The following MEGF11 variants were observed in gnomAD, a reference collection of about 807,000 sequenced individuals.
MEGF11 encodes the protein multiple epidermal growth factor-like domains protein 11.
A neutral mutation model predicts 146.6 loss-of-function variants in MEGF11; 126 were observed. The observed-to-expected ratio is 0.86, with a 90% CI of 0.74 to 1.00. The LOEUF (loss-of-function observed/expected upper bound fraction) is 1.00. Ranked by LOEUF, MEGF11 falls within the 50% of genes least tolerant of loss-of-function variation. MEGF11 has a pLI of 0.00. For missense variants in MEGF11, 1,509 were observed against 1,521.2 expected (o/e 0.99, Z 0.13); for synonymous variants, 532 against 583.4 (o/e 0.91, Z 1.27).
At chr15:66,243,506 C>T (rs1339516807) in intron 1 of MEGF11, among the ~76,000 whole-genome samples, 1 of 152,126 alleles carries the variant, frequency 6.6e-6, no homozygotes, top group Admixed American at 6.5e-5. Context: ...GGGAGCGGGG[C>T]AATCTTAAAA....
chr15:65,928,333 G>T, intron 13 of MEGF11, 92 bp downstream of exon 13: 2 of 717,502 alleles, frequency 2.8e-6, no homozygotes, highest in Non-Finnish European at 4.7e-6. Context: ...ATCAAGAAGA[G>T]AGGTATTGAA....
chr15:66,146,727 C>T (rs983420679), intron 1 of MEGF11, among the ~76,000 whole-genome samples: 2 of 152,242 alleles, frequency 1.3e-5, no homozygotes. Context: ...GCGGCCTGTG[C>T]GCTGGCATCA....
intron 6 of MEGF11, 70 bp from the exon 7 acceptor site, chr15:65,980,968 G>C: frequency 6.8e-7 from 1 of 1,464,674 alleles, no homozygotes. Context: ...AGTGCTCCAG[G>C]GTTCCCTAGG....
intron 5 of MEGF11, among the ~76,000 whole-genome samples, chr15:66,037,771 G>A (rs2083782647): frequency 1.3e-5 from 2 of 152,318 alleles, no homozygotes; most frequent in Admixed American, 1.3e-4. Context: ...TTCCTCCTCA[G>A]ATTAGAGGCT....
intron 1 of MEGF11, among the ~76,000 whole-genome samples, chr15:66,201,818 G>A (rs927305842): frequency 2.9e-4 from 44 of 150,876 alleles, no homozygotes; most frequent in Middle Eastern, 6.8e-3. Flanking sequence ...ATGTTGGTGC[G>A]AGCCTGTAGT....
chr15:65,941,933 G>A (rs772588019), intron 10 of MEGF11, among the ~76,000 whole-genome samples: 1 of 152,220 alleles, frequency 6.6e-6, no homozygotes, highest in Non-Finnish European at 1.5e-5. Flanking sequence ...CAGGAGAAAG[G>A]AAACTCCATA....
chr15:65,901,128 T>A (rs1409689766), intron 24 of MEGF11, among the ~76,000 whole-genome samples: 1 of 152,170 alleles, frequency 6.6e-6, no homozygotes, highest in Non-Finnish European at 1.5e-5. Context: ...CACATAAATT[T>A]GCCCCTTAGA....
At chr15:65,919,801 G>T (rs552523638) in intron 15 of MEGF11, among the ~76,000 whole-genome samples, 193 of 152,282 alleles carry the variant, frequency 1.3e-3, no homozygotes, top group Admixed American at 2.4e-3. Flanking sequence ...TGTATTTTTA[G>T]TAGAAACAGG....
intron 5 of MEGF11, among the ~76,000 whole-genome samples, chr15:66,018,500 A>C (rs531761358): frequency 1.3e-5 from 2 of 152,328 alleles, no homozygotes; most frequent in East Asian, 3.9e-4. Context: ...TGAACCCCAG[A>C]TGCCCACTCT....
chr15:66,171,289 AAGAC>A (rs1162199374), intron 1 of MEGF11, among the ~76,000 whole-genome samples: 13 of 152,188 alleles, frequency 8.5e-5, no homozygotes, highest in Admixed American at 6.5e-4. Flanking sequence ...GGCGGTCAAA[AAGAC>A]AGAGAATCGG....
intron 9 of MEGF11, among the ~76,000 whole-genome samples, chr15:65,963,009 AG>A (rs1343878760): frequency 6.6e-6 from 1 of 152,228 alleles, no homozygotes. Context: ...ACTCCTTCAG[AG>A]GAAGGATGAA....
chr15:66,090,531 C>T (rs2086277371), intron 5 of MEGF11, among the ~76,000 whole-genome samples: 1 of 152,252 alleles, frequency 6.6e-6, no homozygotes. Flanking sequence ...AGAAATATCA[C>T]TGTTTCACCC....
At chr15:66,243,936 G>A (rs543804134) in intron 1 of MEGF11, among the ~76,000 whole-genome samples, 6 of 152,098 alleles carry the variant, frequency 3.9e-5, no homozygotes, top group Admixed American at 6.5e-5. Flanking sequence ...GCCACCTCAC[G>A]TGGTCCACAT....
chr15:66,151,406 G>T lies in MEGF11; in HGVS notation c.-8-22995C>A, dbSNP rs917337359. Among the ~76,000 whole-genome samples the T allele has an allele frequency of 7.9e-5, 12 of 152,180 alleles. No individual in the cohort carries two copies. In the East Asian group the frequency reaches 2.3e-3, roughly 29 times the overall value. On this transcript the variant is annotated intron_variant, in intron 1 of 25. Coordinates refer to ENST00000395614, the MANE Select transcript of MEGF11 (RefSeq NM_001385028.1). ...CCCAAGGGAAGGTGGGGATGAGGGA[G>T]AGAACCCTGAGTGTGGGGTTGGGAC...
At chr15:66,162,009 A>T (rs188090362) in intron 1 of MEGF11, among the ~76,000 whole-genome samples, 2 of 152,350 alleles carry the variant, frequency 1.3e-5, no homozygotes, top group Admixed American at 1.3e-4. Flanking sequence ...CAGAGGAGCC[A>T]ATCTAATATT....
intron 4 of MEGF11, among the ~76,000 whole-genome samples, chr15:66,108,250 G>A (rs1284929916): frequency 6.6e-6 from 1 of 152,214 alleles, no homozygotes; most frequent in Non-Finnish European, 1.5e-5. Flanking sequence ...GCCCTGGACG[G>A]AGAGGAAGAA....
At chr15:66,138,718 G>A (rs1567259944) in intron 1 of MEGF11, among the ~76,000 whole-genome samples, 2 of 152,096 alleles carry the variant, frequency 1.3e-5, no homozygotes, top group African/African-American at 2.4e-5. Context: ...TTAACCTCCC[G>A]GGCTCCCAGC....
intron 1 of MEGF11, among the ~76,000 whole-genome samples, chr15:66,213,430 A>G (rs989731490): frequency 3.3e-5 from 5 of 152,232 alleles, no homozygotes; most frequent in Admixed American, 6.5e-5. Context: ...GTAAGGACAC[A>G]GCAGTGAACA....
chr15:66,127,503 T>C (rs932734948), intron 2 of MEGF11, among the ~76,000 whole-genome samples: 1 of 152,034 alleles, frequency 6.6e-6, no homozygotes, highest in Admixed American at 6.5e-5. Flanking sequence ...GTCCCCCGCC[T>C]TTCTTCTTCT....
Sources: allele counts gnomAD v4.1 joint callset (sites outside exome capture counted in the v4.1 genomes callset), GRCh38; gene constraint gnomAD v4.1.1; transcripts MANE v1.5; gene names NCBI Gene and HGNC (gene_info 2026-07-23, HGNC 2026-07-21).